Variants in EML2 observed in about 807,000 individuals in gnomAD.
EML2 encodes echinoderm microtubule-associated protein-like 2.
A neutral mutation model predicts 84.7 loss-of-function variants in EML2; 59 were observed. The ratio of observed to expected loss-of-function variants is 0.70; its 90% CI spans 0.56 to 0.86. EML2 has a LOEUF of 0.86. Among genes scored for constraint, EML2 ranks in the 40% least tolerant of loss-of-function variants. The probability of loss-of-function intolerance (pLI) is 0.00; values close to 1 mark genes in which losing one functional copy is unlikely to be tolerated. For synonymous variants in EML2, 352 were observed against 348.9 expected (o/e 1.01, Z -0.10); for missense variants, 818 against 855.6 (o/e 0.96, Z 0.55).
At chr19:45,637,671 T>TC (rs1568486823) in intron 3 of EML2, among the ~76,000 whole-genome samples, 2 of 73,226 alleles carry the variant, frequency 2.7e-5, no homozygotes, top group Non-Finnish European at 7.0e-5. Context: ...TCTTTTCTTT[T>TC]TTTTTTTTTT....
At chr19:45,637,124 T>C (rs1973816713) in intron 3 of EML2, among the ~76,000 whole-genome samples, 1 of 152,204 alleles carries the variant, frequency 6.6e-6, no homozygotes, top group South Asian at 2.1e-4. Flanking sequence ...TATTTCCAGC[T>C]GCCTCGAGAA....
chr19:45,644,556 C>G (rs2122861429), upstream of EML2, among the ~76,000 whole-genome samples: 1 of 152,232 alleles, frequency 6.6e-6, no homozygotes, highest in East Asian at 1.9e-4. Context: ...CCAGCCCATC[C>G]TACCAACCCC....
At chr19:45,637,599 C>T (rs1164747854) in intron 3 of EML2, among the ~76,000 whole-genome samples, 1 of 150,668 alleles carries the variant, frequency 6.6e-6, no homozygotes, top group Non-Finnish European at 1.5e-5. Context: ...CCACCTCAGC[C>T]TCCAGAGTAG....
At chr19:45,617,527 G>T in intron 13 of EML2, 103 bp downstream of exon 13, 2 of 1,065,696 alleles carry the variant, frequency 1.9e-6, no homozygotes, top group Non-Finnish European at 1.4e-6. Flanking sequence ...TGAGGGATCA[G>T]GGCTCGGTAA....
chr19:45,624,121 T>C (rs1237631303), intron 9 of EML2, among the ~76,000 whole-genome samples: 1 of 152,256 alleles, frequency 6.6e-6, no homozygotes. Context: ...CATAACACAT[T>C]AATCTGTTGG....
chr19:45,614,748 A>C, intron 16 of EML2, 48 bp from the exon 17 acceptor site: 1 of 1,459,868 alleles, frequency 6.8e-7, no homozygotes. Flanking sequence ...AGAACTACCC[A>C]GTAAACCCAT....
rs1177440050 is a variant in EML2, at chr19:45,613,596, G to A, written c.1769C>T (p.Ser590Leu). ...ARSHDGKLLA[S>L]ADDFGKVHLF... is the part of the protein sequence containing the mutation. ...GTGAACTTTGCCAAAGTCATCAGCT[G>A]AAGCCAGCAACTTCCCATCATGAGA... is the stretch of plus-strand genomic sequence containing the variant. The change falls in exon 18 of 19, where the codon TCA becomes TTA. Residue 590 changes from serine to leucine, a missense_variant. Physicochemically the swap from Ser to Leu is moderately radical, Grantham distance 145 (BLOSUM62 -2). Transcript: ENST00000245925. The A allele has an allele frequency of 1.2e-6, 2 of 1,614,016 alleles. No homozygotes were observed. The highest frequency in any genetic ancestry group is 2.7e-5 in the African/African-American group (2 of 74,912).
At chr19:45,627,337 C>T (rs895221323) in intron 7 of EML2, among the ~76,000 whole-genome samples, 1 of 151,128 alleles carries the variant, frequency 6.6e-6, no homozygotes, top group Admixed American at 6.6e-5. Flanking sequence ...CTCCTACAAC[C>T]TCTGCCTCCC....
At chr19:45,625,455 C>T (rs1972198976) in intron 8 of EML2, among the ~76,000 whole-genome samples, 1 of 152,106 alleles carries the variant, frequency 6.6e-6, no homozygotes, top group African/African-American at 2.4e-5. Context: ...GTTGGCCAGG[C>T]GGGTCTGAAC....
chr19:45,620,807 A>G (rs1971596116), intron 11 of EML2: 1 of 350,434 alleles, frequency 2.9e-6, no homozygotes, highest in Admixed American at 3.8e-5. Context: ...GGAGGCCAGG[A>G]AGGGAGGAGC....
chr19:45,638,394 C>T lies in EML2; in HGVS notation c.179+111G>A. ...CCCAGGCAGGTCTCAAACTCTTGGC[C>T]TCAAACGATCCTCCCAAAGTGCTGA... On this transcript the variant is annotated intron_variant, in intron 3 of 18. Transcript: ENST00000245925. 5 of 1,521,992 alleles carry T rather than the reference C, an allele frequency of 3.3e-6. No individual in the cohort carries two copies. The South Asian group carries it at 5.7e-5, about 17-fold the overall frequency. 94.3% of individuals were successfully genotyped at this position (1,521,992 alleles called of 1,614,324 possible).
At chr19:45,632,057 G>A (rs537236232) in intron 6 of EML2, among the ~76,000 whole-genome samples, 8 of 149,540 alleles carry the variant, frequency 5.3e-5, no homozygotes, top group Admixed American at 2.7e-4. Context: ...GCCATGCCCA[G>A]CTAATTTTTG....
chr19:45,634,259 G>C, intron 4 of EML2, 63 bp downstream of exon 4: 4 of 1,601,132 alleles, frequency 2.5e-6, no homozygotes, highest in Non-Finnish European at 3.4e-6. Flanking sequence ...GCATAGAGGG[G>C]CAGGGGCTGG....
intron 16 of EML2, 104 bp downstream of exon 16, chr19:45,615,698 T>C (rs987988909): frequency 4.9e-6 from 5 of 1,017,724 alleles, no homozygotes; most frequent in Admixed American, 1.9e-5. Context: ...CAGCCTTGAA[T>C]ACCAAGGGAG....
chr19:45,627,184 C>G (rs1411543311), intron 7 of EML2, among the ~76,000 whole-genome samples: 1 of 151,472 alleles, frequency 6.6e-6, no homozygotes, highest in African/African-American at 2.4e-5. Flanking sequence ...GTCTCGAACT[C>G]TTTACCTCGT....
intron 1 of EML2, 89 bp from the exon 2 acceptor site, chr19:45,638,962 G>A (rs1027861334): frequency 1.3e-6 from 2 of 1,502,432 alleles, no homozygotes; most frequent in Non-Finnish European, 1.8e-6. Flanking sequence ...ACCGCTCCCC[G>A]GAGGTCTCCG....
At chr19:45,626,591 A>G in intron 8 of EML2, 114 bp downstream of exon 8, 3 of 1,210,814 alleles carry the variant, frequency 2.5e-6, no homozygotes, top group Non-Finnish European at 2.3e-6. Flanking sequence ...GCAACATCTC[A>G]GCGTCCCTGT....
At chr19:45,623,650 A>C (rs1971985184) in intron 9 of EML2, 1 of 151,918 alleles carries the variant, frequency 6.6e-6, no homozygotes, top group Admixed American at 6.6e-5. Context: ...TCCAGGGTTC[A>C]AGTGATTCTC....
chr19:45,642,741 T>A (rs1386889500), upstream of EML2: 1 of 161,728 alleles, frequency 6.2e-6, no homozygotes, highest in East Asian at 1.8e-4. Flanking sequence ...GGCGGGCGTA[T>A]CACGAGGTCA....
Sources: allele counts gnomAD v4.1 joint callset (sites outside exome capture counted in the v4.1 genomes callset), GRCh38; gene constraint gnomAD v4.1.1; transcripts MANE v1.5; gene names NCBI Gene and HGNC (gene_info 2026-07-23, HGNC 2026-07-21).